Variants in ZNRF1 observed in about 807,000 individuals in gnomAD.
ZNRF1 encodes the protein zinc and ring finger 1.
In ZNRF1, 3 loss-of-function variants were observed where a neutral mutation model predicts 18.4. The ratio of observed to expected loss-of-function variants is 0.16; its 90% CI spans 0.07 to 0.42. ZNRF1 has a LOEUF of 0.42. ZNRF1 is among the 10% of genes least tolerant of loss of function. ZNRF1 has a pLI of 0.99. For missense variants in ZNRF1, 310 were observed against 329.8 expected (o/e 0.94, Z 0.47); for synonymous variants, 157 against 144.2 (o/e 1.09, Z -0.64).
chr16:75,094,399 A>G (rs2145422453), intron 2 of ZNRF1, among the ~76,000 whole-genome samples: 1 of 152,328 alleles, frequency 6.6e-6, no homozygotes, highest in East Asian at 1.9e-4. Flanking sequence ...GGGAAACAAA[A>G]TGACTGTCAA....
rs143526274 is a variant in ZNRF1, at chr16:75,044,479, G to A, written c.424+44384G>A. Among the ~76,000 whole-genome samples the A allele has an allele frequency of 4.7e-4, 72 of 151,914 alleles. 2 individuals are homozygous for A. The East Asian group carries it at 0.014, about 29-fold the overall frequency. On this transcript the variant is annotated intron_variant, in intron 1 of 4. Transcript: ENST00000335325. ...TGATCTCAAGTGATCTGCCTGCCTC[G>A]GCCTCCAAAAGTGCTGGGATTATAG...
At chr16:75,075,537 C>T (rs909701999) in intron 1 of ZNRF1, among the ~76,000 whole-genome samples, 1 of 152,248 alleles carries the variant, frequency 6.6e-6, no homozygotes, top group Non-Finnish European at 1.5e-5. Flanking sequence ...AGCAGGCTGA[C>T]TGCCCTTAAT....
chr16:75,023,065 G>A (rs2035174761), intron 1 of ZNRF1, among the ~76,000 whole-genome samples: 1 of 152,138 alleles, frequency 6.6e-6, no homozygotes, highest in Admixed American at 6.5e-5. Context: ...GGGGAAAATG[G>A]AGAAAAATTT....
intron 1 of ZNRF1, among the ~76,000 whole-genome samples, chr16:75,010,225 C>T (rs2034976363): frequency 6.6e-6 from 1 of 152,122 alleles, no homozygotes; most frequent in African/African-American, 2.4e-5. Context: ...TCAGGTGATC[C>T]ACCCGCCTCA....
At chr16:75,050,390 G>C (rs551054006) in intron 1 of ZNRF1, among the ~76,000 whole-genome samples, 4 of 152,010 alleles carry the variant, frequency 2.6e-5, no homozygotes, top group Admixed American at 2.6e-4. Context: ...GCTGGGCGTG[G>C]TGGTGCACAC....
chr16:75,059,319 C>G (rs2035713585), intron 1 of ZNRF1, among the ~76,000 whole-genome samples: 2 of 126,696 alleles, frequency 1.6e-5, no homozygotes, highest in African/African-American at 6.0e-5. Context: ...GCAATTTTGG[C>G]TCACTGCAAC....
At chr16:75,011,463 G>A (rs2034999454) in intron 1 of ZNRF1, among the ~76,000 whole-genome samples, 1 of 152,134 alleles carries the variant, frequency 6.6e-6, no homozygotes, top group African/African-American at 2.4e-5. Context: ...GAACTCCTGG[G>A]CTTAAGACAT....
intron 1 of ZNRF1, among the ~76,000 whole-genome samples, chr16:75,032,785 G>A (rs752876074): frequency 1.1e-4 from 16 of 151,984 alleles, no homozygotes; most frequent in Non-Finnish European, 2.2e-4. Context: ...CACTTTGGGA[G>A]GCCAAGTCAG....
intron 1 of ZNRF1, among the ~76,000 whole-genome samples, chr16:75,007,085 G>A: frequency 6.7e-6 from 1 of 150,298 alleles, no homozygotes; most frequent in East Asian, 2.0e-4. Context: ...TTTTAAGACA[G>A]GGTCTCGCTT....
chr16:75,069,953 A>G (rs2035850486), intron 1 of ZNRF1, among the ~76,000 whole-genome samples: 1 of 152,168 alleles, frequency 6.6e-6, no homozygotes, highest in African/African-American at 2.4e-5. Context: ...CAGTTGCCCA[A>G]GCGAGCTGCT....
intron 1 of ZNRF1, among the ~76,000 whole-genome samples, chr16:75,083,385 GT>G (rs2036038153): frequency 6.6e-6 from 1 of 152,202 alleles, no homozygotes; most frequent in South Asian, 2.1e-4. Flanking sequence ...GGGAAAGCGT[GT>G]TTTCCTCTGA....
intron 1 of ZNRF1, among the ~76,000 whole-genome samples, chr16:75,034,684 G>C (rs1469131826): frequency 6.6e-6 from 1 of 152,182 alleles, no homozygotes; most frequent in African/African-American, 2.4e-5. Flanking sequence ...CTGGAGTACA[G>C]TGCATGATCT....
chr16:75,073,984 T>G (rs187866314), intron 1 of ZNRF1, among the ~76,000 whole-genome samples: 2 of 152,268 alleles, frequency 1.3e-5, no homozygotes, highest in East Asian at 1.9e-4. Flanking sequence ...ACCCTAACTT[T>G]CAGCCTGGCT....
chr16:75,007,058 TC>T (rs1427671251), intron 1 of ZNRF1, among the ~76,000 whole-genome samples: 5 of 119,414 alleles, frequency 4.2e-5, no homozygotes, highest in Non-Finnish European at 8.7e-5. Context: ...CCAAGTTTAA[TC>T]TTTTTTTTTT....
chr16:75,100,788 G>T (rs888324440), intron 2 of ZNRF1, among the ~76,000 whole-genome samples: 1 of 152,206 alleles, frequency 6.6e-6, no homozygotes, highest in Non-Finnish European at 1.5e-5. Context: ...TCATAGATGA[G>T]GTGTCCAAGA....
intron 1 of ZNRF1, among the ~76,000 whole-genome samples, chr16:75,037,287 A>T (rs1211306341): frequency 2.0e-5 from 3 of 152,108 alleles, no homozygotes; most frequent in Admixed American, 2.0e-4. Context: ...TTATTAAACA[A>T]GGCAGCCGGG....
chr16:75,001,598 A>G (rs1567461500), intron 1 of ZNRF1, among the ~76,000 whole-genome samples: 1 of 152,210 alleles, frequency 6.6e-6, no homozygotes, highest in Non-Finnish European at 1.5e-5. Flanking sequence ...CCAGAGAGTT[A>G]GCCATATTTT....
rs530567539 is a variant in ZNRF1, at chr16:75,000,091, T to C, written c.420T>C (p.His140=). The C allele has an allele frequency of 8.1e-6, 13 of 1,599,678 alleles. No individual in the cohort carries two copies. In the African/African-American group the frequency reaches 1.1e-4, roughly 13 times the overall value. The change falls in exon 1 of 5, where the codon CAT becomes CAC. Residue 140 remains histidine, a synonymous_variant. Transcript: ENST00000335325. ...LHIAPRWFSS[H]SGFKCPICSK... is the part of the protein sequence containing the mutation. The stretch of plus-strand genomic sequence containing the variant: ...TCGCACCCAGGTGGTTCAGCTCGCA[T>C]AGTGGTGAGTCCGCGGGTGGTGGAG...
chr16:75,033,337 A>T (rs141032221), intron 1 of ZNRF1, among the ~76,000 whole-genome samples: 5 of 151,810 alleles, frequency 3.3e-5, no homozygotes, highest in Non-Finnish European at 7.4e-5. Flanking sequence ...AAATTGAGGA[A>T]AGTTAACATC....
Sources: allele counts gnomAD v4.1 joint callset (sites outside exome capture counted in the v4.1 genomes callset), GRCh38; gene constraint gnomAD v4.1.1; transcripts MANE v1.5; gene names NCBI Gene and HGNC (gene_info 2026-07-23, HGNC 2026-07-21).